Variants in CFAP47 observed in about 807,000 individuals in gnomAD.
The protein encoded by CFAP47 is cilia and flagella associated protein 47, also known as cilia- and flagella-associated protein 47.
In CFAP47, 29 loss-of-function variants were observed where a neutral mutation model predicts 148.1. The ratio of observed to expected loss-of-function variants is 0.20; its 90% CI spans 0.15 to 0.27. CFAP47 has a LOEUF of 0.27. CFAP47 is among the 10% of genes least tolerant of loss of function. The pLI, the probability that CFAP47 is intolerant of heterozygous loss-of-function variation, is 1.00. For synonymous variants in CFAP47, 664 were observed against 577.3 expected (o/e 1.15, Z -2.15); for missense variants, 1,872 against 1,697.5 (o/e 1.10, Z -1.81).
At position 35,925,242 on chromosome X, in the gene CFAP47, C is replaced by T. The variant is rs764901858; in HGVS notation, c.250-775C>T. On this transcript the variant is annotated intron_variant, in intron 1 of 63. Coordinates refer to ENST00000378653, the MANE Select transcript of CFAP47 (RefSeq NM_001304548.2). ...ACAAAAAATTAGCTGGGCGTGGTGGCGGGTGCCTGTAATCCCAGCTACTCG... is the reference window on the plus strand; with the variant it reads ...ACAAAAAATTAGCTGGGCGTGGTGGTGGGTGCCTGTAATCCCAGCTACTCG... 3.2e-4 allele frequency among the ~76,000 whole-genome samples: 35 copies of T among 110,190 alleles called. No homozygotes were observed. The East Asian group carries it at 9.2e-3, about 29-fold the overall frequency.
At chrX:36,248,064 A>G (rs1940639935) in intron 48 of CFAP47, among the ~76,000 whole-genome samples, 1 of 109,374 alleles carries the variant, frequency 9.1e-6, no homozygotes, top group African/African-American at 3.3e-5. Context: ...TATAAAGATA[A>G]AAGTGTCAAT....
chrX:36,242,100 G>T (rs1475387064), intron 48 of CFAP47, among the ~76,000 whole-genome samples: 4 of 112,227 alleles, frequency 3.6e-5, no homozygotes, highest in African/African-American at 1.3e-4. Flanking sequence ...ATACACCCCT[G>T]TGAAACCAAG....
At chrX:36,111,417 T>C (rs1938553150) in intron 33 of CFAP47, among the ~76,000 whole-genome samples, 1 of 112,497 alleles carries the variant, frequency 8.9e-6, no homozygotes, top group Non-Finnish European at 1.9e-5. Flanking sequence ...TTTATTTGCA[T>C]ACATTGAATT....
intron 52 of CFAP47, among the ~76,000 whole-genome samples, chrX:36,299,418 CTT>C (rs1230422791): frequency 9.0e-6 from 1 of 111,335 alleles, no homozygotes; most frequent in Admixed American, 9.6e-5. Context: ...CTAAGTAAAT[CTT>C]TATGGATGCA....
At chrX:36,235,734 C>T (rs1940454324) in intron 46 of CFAP47, among the ~76,000 whole-genome samples, 200 bp from the exon 47 acceptor site, 4 of 112,352 alleles carry the variant, frequency 3.6e-5, no homozygotes, top group South Asian at 3.6e-4. Context: ...AGCTGTAGAC[C>T]GGAGCTGTTC....
chrX:36,068,880 G>A (rs1365722741), intron 27 of CFAP47, among the ~76,000 whole-genome samples: 1 of 107,320 alleles, frequency 9.3e-6, no homozygotes, highest in African/African-American at 3.4e-5. Context: ...CACTTGAACC[G>A]AGGAGGCAGA....
intron 51 of CFAP47, among the ~76,000 whole-genome samples, chrX:36,291,573 G>T (rs888626290): frequency 9.2e-6 from 1 of 109,019 alleles, no homozygotes; most frequent in Non-Finnish European, 1.9e-5. Context: ...AGATGAAGAA[G>T]AATTGACTGA....
At chrX:35,974,220 T>A (rs1030526083) in intron 13 of CFAP47, among the ~76,000 whole-genome samples, 1 of 111,944 alleles carries the variant, frequency 8.9e-6, no homozygotes, top group African/African-American at 3.2e-5. Flanking sequence ...CAGATACCTG[T>A]GTGAGGTAAA....
chrX:36,078,217 G>T (rs1460627066), intron 29 of CFAP47, among the ~76,000 whole-genome samples: 1 of 110,643 alleles, frequency 9.0e-6, no homozygotes, highest in Non-Finnish European at 1.9e-5. Context: ...TGTCTATTAG[G>T]TCTGCTTGGT....
intron 2 of CFAP47, among the ~76,000 whole-genome samples, chrX:35,935,366 A>T (rs1935894612): frequency 9.0e-6 from 1 of 111,488 alleles, no homozygotes; most frequent in African/African-American, 3.3e-5. Context: ...AGTTCAATGC[A>T]GTGACTCACA....
chrX:36,209,407 A>G (rs1488470009), intron 45 of CFAP47, among the ~76,000 whole-genome samples: 1 of 111,749 alleles, frequency 8.9e-6, no homozygotes, highest in African/African-American at 3.2e-5. Flanking sequence ...GTCCAATTAT[A>G]GTCCATATAA....
At chrX:36,270,096 A>G (rs781849342) in intron 49 of CFAP47, among the ~76,000 whole-genome samples, 1 of 111,849 alleles carries the variant, frequency 8.9e-6, no homozygotes, top group African/African-American at 3.2e-5. Flanking sequence ...ATGTTTTGGC[A>G]ATTAAAAATA....
chrX:36,310,437 C>T (rs1352560888), intron 55 of CFAP47, among the ~76,000 whole-genome samples: 1 of 109,147 alleles, frequency 9.2e-6, no homozygotes, highest in African/African-American at 3.3e-5. Context: ...TGGCAGCTAT[C>T]TGAATTTCAT....
Position 36,052,437 on chromosome X carries a change from A to G in CFAP47, c.4217+5374A>G, listed in dbSNP as rs192632636. ...ATAAAGATAAATTAATGCATTTATA[A>G]GTGTTTTAAATAATAAAAATTAGAA... is the stretch of plus-strand genomic sequence containing the variant. On this transcript the variant is annotated intron_variant, in intron 26 of 63. Transcript: ENST00000378653. Among the ~76,000 whole-genome samples the G allele has an allele frequency of 5.3e-3, 596 of 112,531 alleles. 2 individuals are homozygous for G. The highest frequency in any genetic ancestry group is 0.018 in the African/African-American group (566 of 31,056).
At chrX:36,378,833 G>A (rs377399496) in intron 62 of CFAP47, among the ~76,000 whole-genome samples, 5 of 107,830 alleles carry the variant, frequency 4.6e-5, no homozygotes, top group Admixed American at 2.0e-4. Context: ...GAGCCACTGC[G>A]CTGTGTCTTA....
chrX:35,975,592 G>A, intron 14 of CFAP47, 80 bp from the exon 15 acceptor site: 2 of 1,012,599 alleles, frequency 2.0e-6, no homozygotes, highest in Non-Finnish European at 2.8e-6. Flanking sequence ...TCAATGCTAT[G>A]TGCATTTTAC....
In CFAP47 at chrX:35,975,660, G is replaced by C; in HGVS notation, c.2472-12G>C. Reference sequence around the variant, plus strand: ...TTATCAGTTAAATTTGGATGCTTTTGCTGCATTACAGGTCTTTCACCTTTA... The same window carrying C: ...TTATCAGTTAAATTTGGATGCTTTTCCTGCATTACAGGTCTTTCACCTTTA... On this transcript the variant is annotated splice_polypyrimidine_tract_variant and intron_variant, in intron 14 of 63. Coordinates refer to ENST00000378653, the MANE Select transcript of CFAP47 (RefSeq NM_001304548.2). The C allele has an allele frequency of 8.3e-7, 1 of 1,206,173 alleles. No homozygotes were observed. The highest frequency in any genetic ancestry group is 1.1e-6 in the Non-Finnish European group (1 of 892,264).
At chrX:36,041,816 C>T (rs913257151) in intron 25 of CFAP47, among the ~76,000 whole-genome samples, 1 of 107,343 alleles carries the variant, frequency 9.3e-6, no homozygotes, top group East Asian at 3.0e-4. Context: ...ATGCCAGCTA[C>T]TTGGGAGGCT....
chrX:35,935,374 A>T (rs1935894910), intron 2 of CFAP47, among the ~76,000 whole-genome samples: 1 of 111,292 alleles, frequency 9.0e-6, no homozygotes, highest in Non-Finnish European at 1.9e-5. Flanking sequence ...GCAGTGACTC[A>T]CAATTGCTGT....
Sources: allele counts gnomAD v4.1 joint callset (sites outside exome capture counted in the v4.1 genomes callset), GRCh38; gene constraint gnomAD v4.1.1; transcripts MANE v1.5; gene names NCBI Gene and HGNC (gene_info 2026-07-23, HGNC 2026-07-21).